TRANK1: variants seen among roughly 807,000 people sequenced by gnomAD.
TRANK1 encodes the protein tetratricopeptide repeat and ankyrin repeat containing 1, also known as TPR and ankyrin repeat-containing protein 1.
Under a neutral mutation model 266.0 loss-of-function variants are expected in TRANK1, and 198 were observed. The observed-to-expected ratio is 0.74, with a 90% CI of 0.66 to 0.84. The LOEUF (loss-of-function observed/expected upper bound fraction) is 0.84, where lower values mean the gene tolerates loss of function less well. Among genes scored for constraint, TRANK1 ranks in the 40% least tolerant of loss-of-function variants. The pLI is 0.00. For synonymous variants in TRANK1, 1,396 were observed against 1,384.1 expected (o/e 1.01, Z -0.19); for missense variants, 3,326 against 3,634.6 (o/e 0.92, Z 2.18).
At chr3:36,859,654 C>T (rs565965669) in intron 11 of TRANK1, among the ~76,000 whole-genome samples, 2 of 152,312 alleles carry the variant, frequency 1.3e-5, no homozygotes, top group South Asian at 4.2e-4. Context: ...AGAAGGCAGA[C>T]CCACCCACTA....
chr3:36,882,393 G>A (rs1389760347), intron 8 of TRANK1, among the ~76,000 whole-genome samples: 1 of 152,174 alleles, frequency 6.6e-6, no homozygotes, highest in Non-Finnish European at 1.5e-5. Context: ...TTCAGCATTA[G>A]TGACATCTCC....
At chr3:36,849,927 T>C (rs2078964876) in intron 15 of TRANK1, 2 of 625,856 alleles carry the variant, frequency 3.2e-6, no homozygotes, top group African/African-American at 4.0e-5. Context: ...CTGTTTGGGA[T>C]TGTTTTAGTT....
At chr3:36,901,708 A>G (rs1042762212) in intron 3 of TRANK1, among the ~76,000 whole-genome samples, 1 of 152,140 alleles carries the variant, frequency 6.6e-6, no homozygotes, top group Non-Finnish European at 1.5e-5. Context: ...GTAGAGGACA[A>G]TTGCGGTGGG....
intron 22 of TRANK1, 29 bp from the exon 23 acceptor site, chr3:36,829,691 G>A (rs1411644084): frequency 1.2e-6 from 2 of 1,606,146 alleles, no homozygotes. Context: ...ATGGCTCTGA[G>A]TAAAGATGCC....
intron 9 of TRANK1, among the ~76,000 whole-genome samples, chr3:36,870,421 AG>A (rs34486135): frequency 4.8e-5 from 4 of 83,540 alleles, no homozygotes; most frequent in African/African-American, 2.0e-4. Context: ...AAAAAAAAAA[AG>A]AGAGAGAGAG....
In TRANK1 at chr3:36,908,391, C is replaced by G. The variant is rs1035474600; in HGVS notation, c.87G>C (p.Gly29=). ...ACTTTCTGATGGCCAAAGAGAAGTT[C>G]CCATTCTTAAGAACCTGGTTGCCGG... The part of the protein sequence containing the change: ...KESGNQVLKN[G]NFSLAIRKYD... Residue 29 remains glycine, a synonymous_variant, in exon 2 of 24, where the codon GGG becomes GGC. Coordinates refer to ENST00000645898, the MANE Select transcript of TRANK1 (RefSeq NM_001329998.2). The G allele has an allele frequency of 3.2e-6, 4 of 1,232,076 alleles. No individual in the cohort carries two copies. The African/African-American group carries it at 6.2e-5, about 19-fold the overall frequency. 76.3% of individuals were successfully genotyped at this position (1,232,076 alleles called of 1,614,324 possible).
chr3:36,827,409 C>G lies in TRANK1; in HGVS notation c.*866G>C, dbSNP rs1045725820. The G allele has an allele frequency of 6.6e-6, 1 of 152,266 alleles. No individual in the cohort carries two copies. The highest frequency in any genetic ancestry group is 1.5e-5 in the Non-Finnish European group (1 of 68,098). 9.4% of individuals were successfully genotyped at this position (152,266 alleles called of 1,614,324 possible). Reference sequence around the variant, plus strand: ...AGAACGTCAGCCTAAGCTAGGGTAGCGAACTTGCCAGGGAGAACCAAGAAA... The same window carrying G: ...AGAACGTCAGCCTAAGCTAGGGTAGGGAACTTGCCAGGGAGAACCAAGAAA... On this transcript the variant is annotated 3_prime_UTR_variant, in exon 24 of 24. Coordinates refer to ENST00000645898, the MANE Select transcript of TRANK1 (RefSeq NM_001329998.2).
intron 1 of TRANK1, among the ~76,000 whole-genome samples, chr3:36,919,332 T>C (rs1057482293): frequency 6.6e-6 from 1 of 152,232 alleles, no homozygotes; most frequent in African/African-American, 2.4e-5. Flanking sequence ...TCTTCACCAC[T>C]ATTCTGATCT....
intron 23 of TRANK1, 23 bp downstream of exon 23, chr3:36,829,541 T>TCC: frequency 6.2e-7 from 1 of 1,612,970 alleles, no homozygotes; most frequent in Non-Finnish European, 8.5e-7. Flanking sequence ...GTGTTACCTG[T>TCC]CCCCACAATC....
Position 36,856,036 on chromosome 3 carries a change from A to G in TRANK1, c.3686T>C (p.Ile1229Thr). ...TSHYKPLDPN[I>T]HKLQDLRDEN... is the part of the protein sequence containing the mutation. Reference sequence around the variant, plus strand: ...GTCCCTCAGGTCCTGGAGTTTGTGAATGTTGGGGTCCAGTGGTTTGTAATG... The same window carrying G: ...GTCCCTCAGGTCCTGGAGTTTGTGAGTGTTGGGGTCCAGTGGTTTGTAATG... Residue 1229 changes from isoleucine to threonine, a missense_variant, in exon 13 of 24, where the codon ATT becomes ACT. Physicochemically the swap from Ile to Thr is moderately conservative, Grantham distance 89 (BLOSUM62 -1). Coordinates refer to ENST00000645898, the MANE Select transcript of TRANK1 (RefSeq NM_001329998.2). 1 of 1,613,728 alleles carries G rather than the reference A, an allele frequency of 6.2e-7. No individual in the cohort carries two copies. The highest frequency in any genetic ancestry group is 8.5e-7 in the Non-Finnish European group (1 of 1,179,856).
intron 1 of TRANK1, among the ~76,000 whole-genome samples, chr3:36,918,568 A>AAGGAAGGAAGGAAGGT (rs2080166670): frequency 1.3e-5 from 1 of 78,960 alleles, no homozygotes; most frequent in African/African-American, 5.2e-5. Context: ...GGAAGGTAGG[A>AAGGAAGGAAGGAAGGT]AGGAAGGAAG....
In TRANK1 at chr3:36,903,052, C is replaced by T. The variant is rs540236830; in HGVS notation, c.282+97G>A. On this transcript the variant is annotated intron_variant, in intron 3 of 23. Transcript: ENST00000645898. ...AGGCAGCAGCTGCCACCCCCAGGTG[C>T]CACTGCCCCACACTTTCTCTCATCC... The T allele has an allele frequency of 3.6e-4, 509 of 1,418,628 alleles. 1 individual carries two copies. The African/African-American group carries it at 6.7e-3, about 19-fold the overall frequency. The allele number at this position is 1,418,628 out of a possible 1,614,324, so 87.9% of individuals were successfully genotyped here.
Position 36,861,059 on chromosome 3 carries a change from G to C in TRANK1, c.1342C>G (p.Leu448Val). The change falls in exon 11 of 24, where the codon CTG (leucine) becomes GTG (valine). Residue 448 changes from leucine (L) to valine (V), a missense_variant. By Grantham distance (32) the Leu-to-Val change is conservative (BLOSUM62 1). Transcript: ENST00000645898. Reference protein sequence around the residue: ...KQRWPEVLLLLTRKVSGEPPL... With the variant: ...KQRWPEVLLLVTRKVSGEPPL... The stretch of plus-strand genomic sequence containing the variant: ...GGTTCTCCACTTACTTTGCGGGTCA[G>C]CAGCAGAAGCACCTCAGGCCATCTC... 1 of 1,537,804 alleles carries C rather than the reference G, an allele frequency of 6.5e-7. No individual in the cohort carries two copies. The highest frequency in any genetic ancestry group is 8.7e-7 in the Non-Finnish European group (1 of 1,147,024).
intron 9 of TRANK1, among the ~76,000 whole-genome samples, chr3:36,866,042 GA>G (rs1367066118): frequency 7.3e-6 from 1 of 136,866 alleles, no homozygotes; most frequent in Non-Finnish European, 1.6e-5. Context: ...GAGAGAGACA[GA>G]CAGAAAGAAA....
chr3:36,928,381 T>C (rs1281873298), intron 1 of TRANK1, among the ~76,000 whole-genome samples: 1 of 152,206 alleles, frequency 6.6e-6, no homozygotes, highest in Non-Finnish European at 1.5e-5. Flanking sequence ...TAAAGTCCTG[T>C]TTCCCTTGAT....
chr3:36,918,510 AGAAAGAAAGAAAGAAAGAAAGAAG>A (rs1483435464), intron 1 of TRANK1, among the ~76,000 whole-genome samples: 1 of 36,404 alleles, frequency 2.7e-5, no homozygotes, highest in Non-Finnish European at 5.5e-5. Flanking sequence ...AAAGAAAGAA[AGAAAGAAAGAAAGAAAGAAAGAAG>A]GAAGGAAGGA....
rs116765236 is a variant in TRANK1, at chr3:36,841,401, C to T, written c.5280+1221G>A. Among the ~76,000 whole-genome samples, 545 of 152,290 alleles carry T rather than the reference C, an allele frequency of 3.6e-3. 4 individuals carry two copies. The highest frequency in any genetic ancestry group is 0.012 in the African/African-American group (485 of 41,548). On this transcript the variant is annotated intron_variant, in intron 18 of 23. Coordinates refer to ENST00000645898, the MANE Select transcript of TRANK1 (RefSeq NM_001329998.2). ...AACATCATCTGCAGCTGCATGCATG[C>T]GGAACTCCAGGTGCCTGGGGTAGAG... is the stretch of plus-strand genomic sequence containing the variant.
intron 1 of TRANK1, among the ~76,000 whole-genome samples, chr3:36,927,944 T>C (rs907105423): frequency 4.6e-5 from 7 of 152,286 alleles, no homozygotes; most frequent in Non-Finnish European, 1.0e-4. Flanking sequence ...AGACATAAGA[T>C]GAATATCTGC....
intron 9 of TRANK1, among the ~76,000 whole-genome samples, chr3:36,867,392 C>T (rs1575228217): frequency 6.6e-6 from 1 of 152,264 alleles, no homozygotes; most frequent in East Asian, 1.9e-4. Flanking sequence ...TTAGATGCAG[C>T]TGCATAATAA....
Sources: allele counts gnomAD v4.1 joint callset (sites outside exome capture counted in the v4.1 genomes callset), GRCh38; gene constraint gnomAD v4.1.1; transcripts MANE v1.5; gene names NCBI Gene and HGNC (gene_info 2026-07-23, HGNC 2026-07-21).